FBXL13: variants seen among roughly 807,000 people sequenced by gnomAD.
The protein encoded by FBXL13 is F-box and leucine-rich repeat protein 13.
FBXL13 carries 67 observed loss-of-function variants against 83.6 expected under a neutral mutation model. The observed-to-expected ratio is 0.80, with a 90% confidence interval of 0.66 to 0.98. The LOEUF (loss-of-function observed/expected upper bound fraction) is 0.98, where lower values mean the gene tolerates loss of function less well. FBXL13 is among the 50% of genes least tolerant of loss of function. The probability of loss-of-function intolerance (pLI) is 0.00; values close to 1 mark genes in which losing one functional copy is unlikely to be tolerated. For synonymous variants in FBXL13, 272 were observed against 299.5 expected (o/e 0.91, Z 0.95); for missense variants, 822 against 866.5 (o/e 0.95, Z 0.64).
At chr7:102,910,301 C>A (rs1262668977) in intron 11 of FBXL13, among the ~76,000 whole-genome samples, 1 of 152,118 alleles carries the variant, frequency 6.6e-6, no homozygotes, top group Admixed American at 6.5e-5. Flanking sequence ...TTCAATGACT[C>A]TTTCAGTCAT....
intron 17 of FBXL13, 171 bp downstream of exon 18, chr7:102,854,606 T>C (rs1805757626): frequency 8.3e-6 from 4 of 479,872 alleles, no homozygotes; most frequent in Non-Finnish European, 1.5e-5. Flanking sequence ...AAGCTTTATT[T>C]GTACTTGTAA....
intron 2 of FBXL13, among the ~76,000 whole-genome samples, chr7:103,054,584 G>T (rs1797154892): frequency 6.6e-6 from 1 of 152,130 alleles, no homozygotes; most frequent in African/African-American, 2.4e-5. Context: ...GCTGGTACCA[G>T]TTTTCAGTAA....
At chr7:102,963,932 C>CAGAT (rs1825680364) in intron 7 of FBXL13, among the ~76,000 whole-genome samples, 2 of 152,114 alleles carry the variant, frequency 1.3e-5, no homozygotes, top group Admixed American at 1.3e-4. Flanking sequence ...AGAACATGAA[C>CAGAT]AGATACTTCT....
At chr7:103,056,985 T>C (rs1313077295) in intron 1 of FBXL13, among the ~76,000 whole-genome samples, 1 of 152,174 alleles carries the variant, frequency 6.6e-6, no homozygotes, top group Non-Finnish European at 1.5e-5. Flanking sequence ...TCCATGTCCT[T>C]AGCCCACTTT....
chr7:102,924,641 C>CTT (rs71106699), intron 10 of FBXL13, among the ~76,000 whole-genome samples: 2,924 of 120,994 alleles, frequency 0.024, 103 homozygotes, highest in Admixed American at 0.035. Context: ...GTAAGCTTTT[C>CTT]TTTTTTTTTT....
At chr7:102,990,871 A>G (rs1197640568) in intron 6 of FBXL13, among the ~76,000 whole-genome samples, 1 of 152,236 alleles carries the variant, frequency 6.6e-6, no homozygotes, top group Non-Finnish European at 1.5e-5. Context: ...GTCTGGAGCA[A>G]TGATGGAGAA....
intron 8 of FBXL13, among the ~76,000 whole-genome samples, chr7:102,935,971 C>G (rs1282259478): frequency 6.6e-6 from 1 of 152,122 alleles, no homozygotes; most frequent in Non-Finnish European, 1.5e-5. Flanking sequence ...GCATCCTGAA[C>G]CAGAAGTAAA....
At chr7:102,964,374 C>A (rs988378493) in intron 7 of FBXL13, among the ~76,000 whole-genome samples, 6 of 149,170 alleles carry the variant, frequency 4.0e-5, no homozygotes, top group African/African-American at 1.5e-4. Context: ...CTCCATAACT[C>A]CACACAATTT....
chr7:102,822,200 T>C (rs1188288539), exon 19 of FBXL13: 12 of 1,613,880 alleles, frequency 7.4e-6, no homozygotes, highest in Non-Finnish European at 1.0e-5. Flanking sequence ...GCTGAGTCAG[T>C]AATCTGAACA....
intron 7 of FBXL13, among the ~76,000 whole-genome samples, chr7:102,967,229 A>G (rs937514742): frequency 2.0e-5 from 3 of 151,150 alleles, no homozygotes; most frequent in Admixed American, 6.6e-5. Context: ...GAGTGCTTGG[A>G]TTATAGGCGT....
intron 17 of FBXL13, among the ~76,000 whole-genome samples, chr7:102,851,046 AAACTGTT>A (rs2129450992): frequency 6.6e-6 from 1 of 152,326 alleles, no homozygotes; most frequent in East Asian, 1.9e-4. Context: ...CATTTTCATA[AAACTGTT>A]ACTGAATTAG....
At chr7:102,944,356 C>G (rs1822056174) in intron 8 of FBXL13, 2 of 1,613,980 alleles carry the variant, frequency 1.2e-6, no homozygotes, top group South Asian at 1.1e-5. Flanking sequence ...CTACAACATT[C>G]ACTACCTCTA....
chr7:102,871,397 T>C (rs1219906145), intron 16 of FBXL13, among the ~76,000 whole-genome samples: 1 of 152,102 alleles, frequency 6.6e-6, no homozygotes, highest in East Asian at 1.9e-4. Flanking sequence ...TTTAATTTTT[T>C]TTTTTTAAGA....
At chr7:102,913,914 G>C (rs1309894443) in intron 10 of FBXL13, among the ~76,000 whole-genome samples, 1 of 152,120 alleles carries the variant, frequency 6.6e-6, no homozygotes, top group Non-Finnish European at 1.5e-5. Context: ...AATCTCGCTG[G>C]AGTTGAAACA....
At chr7:102,929,663 CAAAAAA>C (rs35025022) in intron 9 of FBXL13, among the ~76,000 whole-genome samples, 9 of 91,482 alleles carry the variant, frequency 9.8e-5, no homozygotes, top group African/African-American at 1.4e-4. Flanking sequence ...GACTCCATCT[CAAAAAA>C]AAAAAAAAAA....
chr7:102,993,209 T>A (rs1023251757), intron 6 of FBXL13, among the ~76,000 whole-genome samples: 3 of 152,184 alleles, frequency 2.0e-5, no homozygotes, highest in African/African-American at 7.2e-5. Context: ...AAAACATAGA[T>A]CTGAAAAGTC....
At chr7:102,940,696 C>T (rs1821256514) in intron 8 of FBXL13, among the ~76,000 whole-genome samples, 1 of 152,200 alleles carries the variant, frequency 6.6e-6, no homozygotes, top group African/African-American at 2.4e-5. Flanking sequence ...TTCTCTTTCC[C>T]ATCCTTCAAA....
chr7:103,058,113 C>T (rs1457391111), intron 1 of FBXL13, among the ~76,000 whole-genome samples: 1 of 152,162 alleles, frequency 6.6e-6, no homozygotes, highest in South Asian at 2.1e-4. Flanking sequence ...GGTAATTTCT[C>T]CTAATTGGAC....
chr7:102,885,913 C>T (rs1252808609), intron 11 of FBXL13, among the ~76,000 whole-genome samples: 2 of 152,094 alleles, frequency 1.3e-5, no homozygotes, highest in Admixed American at 1.3e-4. Context: ...GCACCCTTTT[C>T]AAAAGACAAT....
Sources: gnomAD v4.1 joint callset for allele counts (sites outside exome capture counted in the v4.1 genomes callset) on GRCh38, gnomAD v4.1.1 for gene constraint, MANE v1.5 for transcripts, NCBI Gene and HGNC (gene_info 2026-07-23, HGNC 2026-07-21) for gene names.